The following MID2 variants were observed in gnomAD, a reference collection of about 807,000 sequenced individuals.
The protein encoded by MID2 is midline 2, also known as probable E3 ubiquitin-protein ligase MID2.
In MID2, 13 loss-of-function variants were observed where a neutral mutation model predicts 46.1. The observed-to-expected ratio is 0.28, with a 90% CI of 0.18 to 0.45. The LOEUF (loss-of-function observed/expected upper bound fraction) is 0.45. Ranked by LOEUF, MID2 falls within the 20% of genes least tolerant of loss-of-function variation. MID2 has a pLI of 1.00. For synonymous variants in MID2, 199 were observed against 212.3 expected (o/e 0.94, Z 0.55); for missense variants, 431 against 575.4 (o/e 0.75, Z 2.57).
At chrX:107,923,211 A>C (rs1409186122) in intron 7 of MID2, among the ~76,000 whole-genome samples, 1 of 112,152 alleles carries the variant, frequency 8.9e-6, no homozygotes, top group East Asian at 2.8e-4. Context: ...CTAGAGTTGC[A>C]TAGAAATGAC....
intron 5 of MID2, among the ~76,000 whole-genome samples, chrX:107,906,195 A>G (rs1351759574): frequency 1.8e-5 from 2 of 111,813 alleles, no homozygotes; most frequent in Non-Finnish European, 3.8e-5. Context: ...CAAAAAAACC[A>G]GGGTCTAAAG....
chrX:107,830,096 A>T (rs1931058643), intron 1 of MID2, among the ~76,000 whole-genome samples: 1 of 111,920 alleles, frequency 8.9e-6, no homozygotes, highest in African/African-American at 3.3e-5. Context: ...TGACAAGGGA[A>T]CTACACAAGG....
At chrX:107,886,745 C>G (rs1932462290) in intron 3 of MID2, among the ~76,000 whole-genome samples, 1 of 111,701 alleles carries the variant, frequency 9.0e-6, no homozygotes, top group Non-Finnish European at 1.9e-5. Flanking sequence ...TTGATTCTTC[C>G]TACCCATGAG....
intron 7 of MID2, among the ~76,000 whole-genome samples, chrX:107,919,292 T>C (rs1390615892): frequency 9.0e-6 from 1 of 111,657 alleles, no homozygotes. Flanking sequence ...TTAACTCTAC[T>C]TTATAGATGA....
chrX:107,921,126 G>A (rs763273240), intron 7 of MID2, among the ~76,000 whole-genome samples: 13 of 111,596 alleles, frequency 1.2e-4, no homozygotes, highest in East Asian at 2.8e-4. Context: ...TTTAATTGTC[G>A]TATCTCTTTT....
intron 2 of MID2, among the ~76,000 whole-genome samples, chrX:107,851,033 T>TGCCTAATATATCAATATATTC: frequency 8.9e-6 from 1 of 112,282 alleles, no homozygotes. Flanking sequence ...ACATTATATT[T>TGCCTAATATATCAATATATTC]GCCTAATATA....
intron 1 of MID2, among the ~76,000 whole-genome samples, chrX:107,836,490 A>T (rs1206477538): frequency 1.8e-5 from 2 of 110,699 alleles, no homozygotes. Flanking sequence ...TGACCTTGTG[A>T]TCCGCCTGCC....
chrX:107,845,525 A>ACACACACACTCTCTCTCTCTCTCTCT (rs1276957001), intron 2 of MID2, among the ~76,000 whole-genome samples: 1 of 72,946 alleles, frequency 1.4e-5, no homozygotes, highest in African/African-American at 7.6e-5. Flanking sequence ...ACACACACAC[A>ACACACACACTCTCTCTCTCTCTCTCT]CTCTCTCTCT....
intron 3 of MID2, among the ~76,000 whole-genome samples, chrX:107,871,464 G>T (rs368363042): frequency 8.9e-6 from 1 of 111,971 alleles, no homozygotes; most frequent in Non-Finnish European, 1.9e-5. Context: ...TCCAGAAAGA[G>T]TGTTACAGTC....
intron 2 of MID2, among the ~76,000 whole-genome samples, chrX:107,844,785 A>G (rs1429104578): frequency 1.8e-5 from 2 of 111,467 alleles, no homozygotes; most frequent in Admixed American, 9.6e-5. Context: ...AACTGTCACT[A>G]GTGTTCTTCT....
At chrX:107,901,857 G>T (rs976768218) in intron 3 of MID2, among the ~76,000 whole-genome samples, 18 of 111,662 alleles carry the variant, frequency 1.6e-4, no homozygotes, top group Admixed American at 2.8e-4. Flanking sequence ...ACAATCTCGG[G>T]CAAAGGCACA....
intron 1 of MID2, among the ~76,000 whole-genome samples, chrX:107,833,826 T>C (rs1931144603): frequency 9.0e-6 from 1 of 111,445 alleles, no homozygotes; most frequent in Admixed American, 9.6e-5. Context: ...CAAAGTCTCA[T>C]GCTGTCACCC....
intron 1 of MID2, among the ~76,000 whole-genome samples, chrX:107,834,422 C>T (rs1424280740): frequency 8.9e-6 from 1 of 111,880 alleles, no homozygotes; most frequent in Non-Finnish European, 1.9e-5. Flanking sequence ...TCAAGATTAC[C>T]TGTCATTGAG....
At chrX:107,846,239 G>T (rs1931474530) in intron 2 of MID2, among the ~76,000 whole-genome samples, 1 of 111,469 alleles carries the variant, frequency 9.0e-6, no homozygotes, top group Non-Finnish European at 1.9e-5. Context: ...AATCTTCAAT[G>T]GAGGCCAGGG....
In MID2 at chrX:107,845,523, A is replaced by ACT. The variant is rs1193188324; in HGVS notation, c.720+4139_720+4140insTC. ...CACACACACACACACACACACACAC[A>ACT]CACTCTCTCTCTCTCTCTCTCTCTC... On this transcript the variant is annotated intron_variant, in intron 2 of 9. Coordinates refer to ENST00000262843, the MANE Select transcript of MID2 (RefSeq NM_012216.4). Among the ~76,000 whole-genome samples, 154 of 85,886 alleles carry ACT rather than the reference A, an allele frequency of 1.8e-3. 1 individual carries two copies. The highest frequency in any genetic ancestry group is 2.5e-3 in the Non-Finnish European group (124 of 48,793). 74.6% of individuals were successfully genotyped at this position (85,886 alleles called of 115,157 possible). A position where few individuals can be genotyped will look rare whatever the true frequency, so the allele number is the denominator to read the frequency against.
chrX:107,893,286 G>A (rs139700017), intron 3 of MID2, among the ~76,000 whole-genome samples: 1,484 of 112,585 alleles, frequency 0.013, 13 homozygotes, highest in South Asian at 0.029. Context: ...CACAGTCTTT[G>A]TCAGTGCTTC....
chrX:107,926,549 C>A, intron 9 of MID2, 122 bp from the exon 10 acceptor site: 1 of 730,115 alleles, frequency 1.4e-6, no homozygotes, highest in Non-Finnish European at 2.0e-6. Context: ...CATTATGCAT[C>A]TAAGTGTAAA....
intron 9 of MID2, 148 bp downstream of exon 9, chrX:107,926,449 T>A (rs923536194): frequency 1.3e-5 from 8 of 630,313 alleles, no homozygotes; most frequent in Non-Finnish European, 1.4e-5. Context: ...GCCAGCTTTT[T>A]AATAAAATAA....
chrX:107,843,373 T>G (rs1931390035), intron 2 of MID2, among the ~76,000 whole-genome samples: 1 of 112,250 alleles, frequency 8.9e-6, no homozygotes, highest in Non-Finnish European at 1.9e-5. Context: ...TTTGGCATCA[T>G]GAAGCTATAG....
Sources: gnomAD v4.1 joint callset for allele counts (sites outside exome capture counted in the v4.1 genomes callset) on GRCh38, gnomAD v4.1.1 for gene constraint, MANE v1.5 for transcripts, NCBI Gene and HGNC (gene_info 2026-07-23, HGNC 2026-07-21) for gene names.